Variants in SLC36A1 observed in about 807,000 individuals in gnomAD.
SLC36A1 encodes solute carrier family 36 member 1.
In SLC36A1, 30 loss-of-function variants were observed where a neutral mutation model predicts 47.5. The observed-to-expected ratio is 0.63, with a 90% CI of 0.47 to 0.86. SLC36A1 has a LOEUF of 0.86. Ranked by LOEUF, SLC36A1 falls within the 40% of genes least tolerant of loss-of-function variation. The probability of loss-of-function intolerance (pLI) is 0.00; values close to 1 mark genes in which losing one functional copy is unlikely to be tolerated. For synonymous variants in SLC36A1, 255 were observed against 249.7 expected (o/e 1.02, Z -0.20); for missense variants, 517 against 606.0 (o/e 0.85, Z 1.54).
chr5:151,503,968 G>C, the SLC36A1 span: 3 of 152,140 alleles, frequency 2.0e-5, no homozygotes, highest in Non-Finnish European at 4.4e-5. Flanking sequence ...TGCCAGGTTG[G>C]GAATCTCTGT....
chr5:151,488,576 C>G lies in SLC36A1; in HGVS notation c.*322C>G. 1 of 382,128 alleles carries G rather than the reference C, an allele frequency of 2.6e-6. No homozygotes were observed. The highest frequency in any genetic ancestry group is 4.9e-6 in the Non-Finnish European group (1 of 205,590). The allele number at this position is 382,128 out of a possible 1,614,324, so 23.7% of individuals were successfully genotyped here. A position where few individuals can be genotyped will look rare whatever the true frequency, so the allele number is the denominator to read the frequency against. The stretch of plus-strand genomic sequence containing the variant: ...CTCTGCTGGTGCACCTCGCCCAACT[C>G]ATTCTTACTGCACAGTTCACTTTAT... On this transcript the variant is annotated 3_prime_UTR_variant, in exon 11 of 11. Coordinates refer to ENST00000243389, the MANE Select transcript of SLC36A1 (RefSeq NM_078483.4).
the SLC36A1 span, among the ~76,000 whole-genome samples, chr5:151,499,240 C>T: frequency 1.3e-5 from 2 of 152,208 alleles, no homozygotes; most frequent in African/African-American, 4.8e-5. Flanking sequence ...AAAGTTCCTG[C>T]TTTTCATTCA....
At chr5:151,549,333 C>T in the SLC36A1 span, 43 of 1,613,550 alleles carry the variant, frequency 2.7e-5, no homozygotes, top group South Asian at 1.6e-4. Context: ...ATTGACTCCC[C>T]GGTCAGCATC....
the SLC36A1 span, chr5:151,534,303 G>A: frequency 2.5e-6 from 2 of 784,982 alleles, no homozygotes; most frequent in Non-Finnish European, 4.0e-6. Context: ...ACTCAACAAG[G>A]AGGCACCGCC....
chr5:151,512,347 C>T, the SLC36A1 span: 1 of 1,614,238 alleles, frequency 6.2e-7, no homozygotes, highest in Non-Finnish European at 8.5e-7. The surrounding 1 kb of genome is among the most constrained non-coding windows in gnomAD (Gnocchi z 4.1). Context: ...GCCTTCAAAG[C>T]CCTGGGAGAC....
chr5:151,480,083 C>T, intron 10 of SLC36A1: 1 of 1,500,514 alleles, frequency 6.7e-7, no homozygotes, highest in Middle Eastern at 2.4e-4. Flanking sequence ...ACAGGATACC[C>T]TTCTGTTTGC....
chr5:151,542,453 C>T, the SLC36A1 span: 1 of 1,614,184 alleles, frequency 6.2e-7, no homozygotes, highest in South Asian at 1.1e-5. Context: ...GAGACCTGAA[C>T]CAGGGCCTGA....
At chr5:151,481,261 T>C (rs1448096880) in intron 10 of SLC36A1, among the ~76,000 whole-genome samples, 1 of 152,200 alleles carries the variant, frequency 6.6e-6, no homozygotes. Context: ...TTCCCTTCTG[T>C]GATCTGTTGT....
At chr5:151,443,092 T>A (rs562805009), upstream of SLC36A1, among the ~76,000 whole-genome samples, 1 of 152,338 alleles carries the variant, frequency 6.6e-6, no homozygotes, top group Admixed American at 6.5e-5. Context: ...AAAGCTACAA[T>A]GAATATGGGC....
the SLC36A1 span, among the ~76,000 whole-genome samples, chr5:151,537,128 C>G: frequency 6.7e-6 from 1 of 149,988 alleles, no homozygotes; most frequent in Non-Finnish European, 1.5e-5. Flanking sequence ...ATTCCCATAG[C>G]TAGCAAAAAG....
At chr5:151,535,348 T>A in the SLC36A1 span, among the ~76,000 whole-genome samples, 14 of 152,076 alleles carry the variant, frequency 9.2e-5, no homozygotes, top group Middle Eastern at 0.014. Flanking sequence ...TTTCCCCCCT[T>A]TTCTAATTGT....
the SLC36A1 span, chr5:151,507,124 C>T: frequency 4.6e-6 from 7 of 1,522,108 alleles, no homozygotes; most frequent in Non-Finnish European, 6.2e-6. Context: ...CCATCAATCC[C>T]AGAGGCTAAG....
At chr5:151,505,815 C>T in the SLC36A1 span, 1 of 1,613,660 alleles carries the variant, frequency 6.2e-7, no homozygotes, top group South Asian at 1.1e-5. Flanking sequence ...CTCATTGAGA[C>T]AGGGGGCAAC....
intron 1 of SLC36A1, among the ~76,000 whole-genome samples, chr5:151,457,976 G>A (rs1189209634): frequency 6.6e-6 from 1 of 151,790 alleles, no homozygotes; most frequent in Non-Finnish European, 1.5e-5. Context: ...AGCCTCCCGA[G>A]TAGCTGGGAT....
At chr5:151,505,891 G>A in the SLC36A1 span, 9 of 1,598,920 alleles carry the variant, frequency 5.6e-6, no homozygotes, top group Non-Finnish European at 6.0e-6. Flanking sequence ...TTGCTGTAAC[G>A]GGGTGGGAGA....
the SLC36A1 span, among the ~76,000 whole-genome samples, chr5:151,376,608 T>C: frequency 1.3e-5 from 2 of 152,142 alleles, no homozygotes; most frequent in Non-Finnish European, 2.9e-5. Context: ...CTCAGAATTA[T>C]GTTGTATATC....
chr5:151,520,346 G>T, the SLC36A1 span, among the ~76,000 whole-genome samples: 1 of 152,254 alleles, frequency 6.6e-6, no homozygotes, highest in African/African-American at 2.4e-5. Context: ...AGGCTTTAGA[G>T]TGGGACACAC....
chr5:151,362,114 C>G, the SLC36A1 span, among the ~76,000 whole-genome samples: 1 of 152,208 alleles, frequency 6.6e-6, no homozygotes, highest in East Asian at 1.9e-4. Flanking sequence ...TCTTTTTCAA[C>G]TTTTGAAAAG....
the SLC36A1 span, among the ~76,000 whole-genome samples, chr5:151,427,969 G>A: frequency 6.6e-6 from 1 of 152,128 alleles, no homozygotes; most frequent in South Asian, 2.1e-4. Flanking sequence ...GTGTCCAGAG[G>A]CCACTGCAGC....
Sources: gnomAD v4.1 joint callset for allele counts (sites outside exome capture counted in the v4.1 genomes callset) on GRCh38, gnomAD v4.1.1 for gene constraint, Gnocchi (gnomAD v3.1) non-coding constraint, MANE v1.5 for transcripts, NCBI Gene and HGNC (gene_info 2026-07-23, HGNC 2026-07-21) for gene names.